The following GRIK3 variants were observed in gnomAD, a reference collection of about 807,000 sequenced individuals.
The protein encoded by GRIK3 is glutamate ionotropic receptor kainate type subunit 3, also known as glutamate receptor ionotropic, kainate 3.
Under a neutral mutation model 102.5 loss-of-function variants are expected in GRIK3, and 29 were observed. The ratio of observed to expected loss-of-function variants is 0.28; its 90% CI spans 0.21 to 0.39. GRIK3 has a LOEUF of 0.39. Among genes scored for constraint, GRIK3 ranks in the 10% least tolerant of loss-of-function variants. GRIK3 has a pLI of 1.00. For synonymous variants in GRIK3, 511 were observed against 504.9 expected, an observed-to-expected ratio of 1.01 and a Z score of -0.16; for missense variants, 908 against 1,252.4, an observed-to-expected ratio of 0.73 and a Z score of 4.15.
intron 1 of GRIK3, among the ~76,000 whole-genome samples, chr1:36,915,806 C>T (rs1456124996): frequency 1.3e-5 from 2 of 152,166 alleles, no homozygotes; most frequent in South Asian, 4.1e-4. Flanking sequence ...GTGCATTAAA[C>T]GTCTTTCTTC....
chr1:36,841,700 G>A, intron 10 of GRIK3, 36 bp downstream of exon 10: 1 of 1,561,018 alleles, frequency 6.4e-7, no homozygotes, highest in African/African-American at 1.4e-5. Flanking sequence ...GTCTCCCCAG[G>A]GTCCTGAGCC....
intron 1 of GRIK3, among the ~76,000 whole-genome samples, chr1:36,913,317 G>C (rs1482749413): frequency 6.6e-6 from 1 of 152,174 alleles, no homozygotes; most frequent in African/African-American, 2.4e-5. Flanking sequence ...AAGCCAGAAG[G>C]CCCAATCTAA....
intron 1 of GRIK3, among the ~76,000 whole-genome samples, chr1:36,895,299 AGATTCAGATAT>A (rs751393853): frequency 1.3e-5 from 2 of 152,214 alleles, no homozygotes; most frequent in Non-Finnish European, 2.9e-5. Flanking sequence ...CATCAGAACC[AGATTCAGATAT>A]GGCATGGATT....
rs370942565 is a variant in GRIK3 at position 36,968,600 on chromosome 1, T to G, written c.115+65394A>C. 6.6e-5 allele frequency among the ~76,000 whole-genome samples: 10 copies of G among 152,314 alleles called. No homozygotes were observed. The East Asian group carries it at 1.5e-3, about 24-fold the overall frequency. ...CTCCTCCACCTCTCTCACATGCACC[T>G]AGTCAGCCCACTGGTCACAGCACAG... On this transcript the variant is annotated intron_variant, in intron 1 of 15. Coordinates refer to ENST00000373091, the MANE Select transcript of GRIK3 (RefSeq NM_000831.4).
intron 1 of GRIK3, among the ~76,000 whole-genome samples, chr1:36,958,609 T>G (rs1202007160): frequency 1.7e-4 from 25 of 148,090 alleles, no homozygotes; most frequent in African/African-American, 6.2e-4. Context: ...TGTGAACCTG[T>G]GTGCCCTGTG....
chr1:36,926,647 C>T (rs1281116084), intron 1 of GRIK3, among the ~76,000 whole-genome samples: 1 of 152,066 alleles, frequency 6.6e-6, no homozygotes, highest in African/African-American at 2.4e-5. Flanking sequence ...CCTTGGCCTC[C>T]CAAAGTGCTG....
At chr1:36,902,979 A>G (rs1641247763) in intron 1 of GRIK3, among the ~76,000 whole-genome samples, 1 of 152,054 alleles carries the variant, frequency 6.6e-6, no homozygotes, top group African/African-American at 2.4e-5. Flanking sequence ...TAGTAGAGAC[A>G]GGGTTTCCCC....
intron 1 of GRIK3, among the ~76,000 whole-genome samples, chr1:37,020,482 T>C (rs963303818): frequency 1.3e-5 from 2 of 152,176 alleles, no homozygotes; most frequent in African/African-American, 4.8e-5. Flanking sequence ...CAAAATGCGA[T>C]GTGAAAGATG....
chr1:36,875,530 T>C (rs554926907), intron 3 of GRIK3, among the ~76,000 whole-genome samples: 5 of 152,374 alleles, frequency 3.3e-5, no homozygotes, highest in African/African-American at 1.2e-4. Context: ...AGGCAAACAG[T>C]TGAAATGGAA....
intron 10 of GRIK3, among the ~76,000 whole-genome samples, chr1:36,834,902 G>T (rs1640353898): frequency 6.6e-6 from 1 of 152,176 alleles, no homozygotes; most frequent in South Asian, 2.1e-4. Flanking sequence ...CCAGACATGT[G>T]TCTTAGACCT....
rs150774801 is a variant in GRIK3 at position 36,985,682 on chromosome 1, C to T, written c.115+48312G>A. On this transcript the variant is annotated intron_variant, in intron 1 of 15. Coordinates refer to ENST00000373091, the MANE Select transcript of GRIK3 (RefSeq NM_000831.4). Reference sequence around the variant, plus strand: ...AAGGCCCAGGGATCCGGACCTTCCTCCTATACAACAGTGACTGCTGAATGG... The same window carrying T: ...AAGGCCCAGGGATCCGGACCTTCCTTCTATACAACAGTGACTGCTGAATGG... 2.6e-5 allele frequency among the ~76,000 whole-genome samples: 4 copies of T among 152,312 alleles called. No homozygotes were observed. In the East Asian group the frequency reaches 7.7e-4, roughly 29 times the overall value.
At position 36,825,637 on chromosome 1, in the gene GRIK3, G is replaced by A; in HGVS notation, c.1720C>T (p.Leu574=). The A allele has an allele frequency of 6.2e-7, 1 of 1,604,842 alleles. No homozygotes were observed. The highest frequency in any genetic ancestry group is 8.5e-7 in the Non-Finnish European group (1 of 1,175,636). Residue 574 remains leucine, a synonymous_variant, in exon 11 of 16, where the codon CTG becomes TTG. Transcript: ENST00000373091. ...DIWMYVLLAY[L]GVSCVLFVIA... is the part of the protein sequence containing the mutation. ...ACGAAGAGGACACAGCTGACCCCCA[G>A]GTAGGCGAGGAGAACATACATCCAG...
rs551572074 is a variant in GRIK3 at position 36,829,961 on chromosome 1, G to T, written c.1531-4135C>A. Among the ~76,000 whole-genome samples, 31 of 152,286 alleles carry T rather than the reference G, an allele frequency of 2.0e-4. 1 individual carries two copies. The East Asian group carries it at 5.0e-3, about 25-fold the overall frequency. On this transcript the variant is annotated intron_variant, in intron 10 of 15. Transcript: ENST00000373091. ...TGATCAGCCTTCTCTTAGGACAGGG[G>T]TCCTCCCAAGGGTCTGAGATCTGGC... is the stretch of plus-strand genomic sequence containing the variant.
intron 1 of GRIK3, among the ~76,000 whole-genome samples, chr1:36,949,417 C>T (rs1174979073): frequency 6.6e-6 from 1 of 152,124 alleles, no homozygotes; most frequent in African/African-American, 2.4e-5. Flanking sequence ...CCACAGCTCA[C>T]AGAGGGCTTT....
intron 11 of GRIK3, 85 bp downstream of exon 11, chr1:36,825,518 G>A: frequency 1.2e-6 from 1 of 841,076 alleles, no homozygotes; most frequent in East Asian, 2.8e-5. Flanking sequence ...TGGGCTTTCT[G>A]TGCCAGGGGC....
intron 1 of GRIK3, among the ~76,000 whole-genome samples, chr1:36,983,690 GA>G (rs1014504798): frequency 3.9e-5 from 6 of 152,062 alleles, no homozygotes; most frequent in African/African-American, 1.4e-4. Context: ...CTCATGGGGG[GA>G]AACCTTCAAA....
chr1:37,010,145 G>C (rs1464384165), intron 1 of GRIK3, among the ~76,000 whole-genome samples: 1 of 152,176 alleles, frequency 6.6e-6, no homozygotes, highest in Admixed American at 6.5e-5. Flanking sequence ...ATGTGAATTT[G>C]AGTTGTGCTT....
At chr1:37,012,165 A>G (rs114613001) in intron 1 of GRIK3, among the ~76,000 whole-genome samples, 1,627 of 152,356 alleles carry the variant, frequency 0.011, 29 homozygotes, top group African/African-American at 0.037. Flanking sequence ...AACGAGTGCC[A>G]GGGGGCCATT....
chr1:36,820,191 C>CA (rs1283231835), intron 11 of GRIK3, among the ~76,000 whole-genome samples: 4 of 151,172 alleles, frequency 2.6e-5, no homozygotes, highest in East Asian at 1.9e-4. Flanking sequence ...TTTGCAATTG[C>CA]AAAAAAAACC....
Sources: gnomAD v4.1 joint callset for allele counts (sites outside exome capture counted in the v4.1 genomes callset) on GRCh38, gnomAD v4.1.1 for gene constraint, MANE v1.5 for transcripts, NCBI Gene and HGNC (gene_info 2026-07-23, HGNC 2026-07-21) for gene names.